CHODL: variants seen among roughly 807,000 people sequenced by gnomAD.
CHODL encodes the protein transmembrane protein MT75.
Under a neutral mutation model 34.5 loss-of-function variants are expected in CHODL, and 29 were observed. That is an observed-to-expected ratio of 0.84 (90% CI 0.63 to 1.15). The LOEUF (loss-of-function observed/expected upper bound fraction) is 1.15, where lower values mean the gene tolerates loss of function less well. Ranked by LOEUF, CHODL falls within the 50% of genes most tolerant of loss-of-function variation. The probability of loss-of-function intolerance (pLI) is 0.00; values close to 1 mark genes in which losing one functional copy is unlikely to be tolerated. For synonymous variants in CHODL, 125 were observed against 116.1 expected (o/e 1.08, Z -0.49); for missense variants, 332 against 332.5 (o/e 1.00, Z 0.01).
intron 1 of CHODL, among the ~76,000 whole-genome samples, chr21:17,971,956 A>G (rs1568823537): frequency 1.3e-5 from 2 of 152,308 alleles, no homozygotes; most frequent in East Asian, 3.9e-4. Context: ...CAAAAAGCTT[A>G]TCTACCACGA....
chr21:18,061,954 T>C (rs1037429440), intron 2 of CHODL, among the ~76,000 whole-genome samples: 7 of 152,188 alleles, frequency 4.6e-5, no homozygotes, highest in Admixed American at 2.6e-4. Context: ...TCCTTGAATA[T>C]AGACTCATCG....
intron 2 of CHODL, among the ~76,000 whole-genome samples, chr21:18,228,469 T>G (rs1159691771): frequency 6.6e-6 from 1 of 152,186 alleles, no homozygotes; most frequent in Non-Finnish European, 1.5e-5. Context: ...ATGTCTGTGC[T>G]ACGCAAGGAA....
At chr21:18,095,084 A>G (rs1898662859) in intron 2 of CHODL, among the ~76,000 whole-genome samples, 1 of 152,000 alleles carries the variant, frequency 6.6e-6, no homozygotes, top group Non-Finnish European at 1.5e-5. Context: ...AGATCACACC[A>G]CTGCACTCTA....
intron 2 of CHODL, among the ~76,000 whole-genome samples, chr21:18,065,087 A>G (rs1282270242): frequency 6.6e-6 from 1 of 152,200 alleles, no homozygotes; most frequent in African/African-American, 2.4e-5. Flanking sequence ...CTCTGTGGAA[A>G]GGACTGGTGC....
chr21:17,973,592 A>AT (rs34010355), intron 1 of CHODL, among the ~76,000 whole-genome samples: 16 of 148,380 alleles, frequency 1.1e-4, no homozygotes, highest in South Asian at 8.5e-4. Context: ...AATTTTTTGT[A>AT]TTTTTTTTTA....
At chr21:18,190,384 C>T (rs186770537) in intron 2 of CHODL, among the ~76,000 whole-genome samples, 152 of 152,284 alleles carry the variant, frequency 1.0e-3, no homozygotes, top group African/African-American at 3.5e-3. Flanking sequence ...CCATCATGCT[C>T]TGTTTGTGGG....
At chr21:17,988,404 T>TA (rs1227878230) in intron 1 of CHODL, among the ~76,000 whole-genome samples, 23 of 149,094 alleles carry the variant, frequency 1.5e-4, no homozygotes, top group African/African-American at 5.4e-4. Context: ...CCTTTTTTTT[T>TA]ATTATTATTA....
chr21:18,252,998 C>G, intron 1 of CHODL, among the ~76,000 whole-genome samples: 1 of 152,116 alleles, frequency 6.6e-6, no homozygotes, highest in East Asian at 1.9e-4. Context: ...AATATAATCT[C>G]TCTCCCTAGG....
At chr21:18,045,780 A>G (rs1040923827) in intron 2 of CHODL, among the ~76,000 whole-genome samples, 7 of 151,902 alleles carry the variant, frequency 4.6e-5, no homozygotes, top group East Asian at 1.9e-4. Flanking sequence ...ACAATTGACT[A>G]GAAGGAACTA....
rs138468474 is a variant in CHODL, at chr21:18,189,280, A to G, written c.-44-67229A>G. ...TTTTGTTCAAAATGATAGTCAATTTATATTTTAGCTTCTTAACCAGGGTCT... is the reference window on the plus strand; with the variant it reads ...TTTTGTTCAAAATGATAGTCAATTTGTATTTTAGCTTCTTAACCAGGGTCT... On this transcript the variant is annotated intron_variant, in intron 2 of 6. Transcript: ENST00000400127. Among the ~76,000 whole-genome samples, 236 of 152,328 alleles carry G rather than the reference A, an allele frequency of 1.5e-3. 3 individuals carry two copies. The highest frequency in any genetic ancestry group is 5.5e-3 in the African/African-American group (228 of 41,578).
chr21:18,017,347 G>C (rs900985955), intron 1 of CHODL, among the ~76,000 whole-genome samples: 1 of 152,146 alleles, frequency 6.6e-6, no homozygotes, highest in Non-Finnish European at 1.5e-5. Context: ...GATAGTGAGG[G>C]AGTTTTCACA....
chr21:18,126,675 G>A (rs750972765), intron 2 of CHODL, among the ~76,000 whole-genome samples: 10 of 151,118 alleles, frequency 6.6e-5, no homozygotes, highest in South Asian at 2.1e-4. Flanking sequence ...TAATATCCTC[G>A]TATGACAGCA....
intron 2 of CHODL, among the ~76,000 whole-genome samples, chr21:18,212,117 A>C (rs2073780593): frequency 6.6e-6 from 1 of 152,158 alleles, no homozygotes; most frequent in South Asian, 2.1e-4. Context: ...TCTTTTTGCT[A>C]TGGTTATAAC....
intron 2 of CHODL, among the ~76,000 whole-genome samples, chr21:18,197,519 A>T (rs1300348521): frequency 1.3e-5 from 2 of 152,142 alleles, no homozygotes; most frequent in South Asian, 2.1e-4. Flanking sequence ...TGGAGGCTGC[A>T]GTGGGAGAAT....
chr21:18,031,346 G>C (rs980351986), intron 2 of CHODL, among the ~76,000 whole-genome samples: 19 of 152,030 alleles, frequency 1.2e-4, no homozygotes, highest in African/African-American at 4.6e-4. Context: ...TGTTTACTTA[G>C]TTAGCTGATT....
intron 2 of CHODL, among the ~76,000 whole-genome samples, chr21:18,202,634 G>A (rs1026654605): frequency 1.3e-5 from 2 of 151,456 alleles, no homozygotes; most frequent in South Asian, 4.1e-4. Flanking sequence ...TGTTGTTTAA[G>A]CCATCCAGTC....
chr21:17,927,369 A>G (rs924040453), intron 1 of CHODL, among the ~76,000 whole-genome samples: 1 of 151,856 alleles, frequency 6.6e-6, no homozygotes, highest in Non-Finnish European at 1.5e-5. Context: ...CGCTTATAAC[A>G]TTGTCTTTGA....
chr21:18,241,076 A>G (rs770890280), upstream of CHODL, among the ~76,000 whole-genome samples: 10 of 152,264 alleles, frequency 6.6e-5, no homozygotes, highest in Admixed American at 2.0e-4. Context: ...CAGCATAGAC[A>G]TGTTTTGAAA....
At chr21:18,075,083 T>C (rs2064848645) in intron 2 of CHODL, among the ~76,000 whole-genome samples, 2 of 152,210 alleles carry the variant, frequency 1.3e-5, no homozygotes, top group African/African-American at 4.8e-5. Context: ...GATATTTGAA[T>C]TTTTGAATGT....
Sources: allele counts gnomAD v4.1 joint callset (sites outside exome capture counted in the v4.1 genomes callset), GRCh38; gene constraint gnomAD v4.1.1; transcripts MANE v1.5; gene names NCBI Gene and HGNC (gene_info 2026-07-23, HGNC 2026-07-21).